GABRA5: variants seen among roughly 807,000 people sequenced by gnomAD.
GABRA5 encodes the protein gamma-aminobutyric acid type A receptor subunit alpha5.
A neutral mutation model predicts 47.3 loss-of-function variants in GABRA5; 18 were observed. That is an observed-to-expected ratio of 0.38 (90% CI 0.26 to 0.56). The LOEUF (loss-of-function observed/expected upper bound fraction) is 0.56, where lower values mean the gene tolerates loss of function less well. Among genes scored for constraint, GABRA5 ranks in the 20% least tolerant of loss-of-function variants. The pLI, the probability that GABRA5 is intolerant of heterozygous loss-of-function variation, is 0.71. For synonymous variants in GABRA5, 237 were observed against 229.3 expected (o/e 1.03, Z -0.30); for missense variants, 365 against 599.3 (o/e 0.61, Z 4.08).
intron 8 of GABRA5, 45 bp downstream of exon 8, chr15:26,937,373 C>T (rs761530483): frequency 4.5e-5 from 70 of 1,552,674 alleles, no homozygotes; most frequent in Non-Finnish European, 5.7e-5. Context: ...ACTCAGGACA[C>T]CACACCCTTG....
intron 6 of GABRA5, among the ~76,000 whole-genome samples, chr15:26,899,055 G>T (rs144567041): frequency 0.02 from 3,064 of 152,132 alleles, 103 homozygotes; most frequent in African/African-American, 0.07. Flanking sequence ...TAGAGACAGG[G>T]TCTTGCTATA....
rs746686415 is a variant in GABRA5, at chr15:26,883,570, CG to C, written c.497+18del. On this transcript the variant is annotated intron_variant, in intron 6 of 10. Coordinates refer to ENST00000335625, the MANE Select transcript of GABRA5 (RefSeq NM_000810.4). The surrounding 1 kb of genome is among the most constrained non-coding windows in gnomAD (Gnocchi z 4.8). ...TCTACACCATGCGGTGAGCGCCGGG[CG>C]GGGGCGGGCGGGGCCGGGGGACGGT... 1 of 503,526 alleles carries C rather than the reference CG, an allele frequency of 2.0e-6. No homozygotes were observed. Among genetic ancestry groups the C allele is most frequent in the South Asian group, 1.7e-5 (1 of 60,424 alleles). The allele number at this position is 503,526 out of a possible 1,614,324, so 31.2% of individuals were successfully genotyped here. A position where few individuals can be genotyped will look rare whatever the true frequency, so the allele number is the denominator to read the frequency against.
intron 7 of GABRA5, among the ~76,000 whole-genome samples, chr15:26,923,067 C>G (rs1277081112): frequency 6.6e-6 from 1 of 152,186 alleles, no homozygotes; most frequent in Non-Finnish European, 1.5e-5. Context: ...AATATTTCCT[C>G]TACATACATC....
At chr15:26,895,826 A>AAAAAAAAGAAGAAG (rs1458730535) in intron 6 of GABRA5, among the ~76,000 whole-genome samples, 4 of 136,014 alleles carry the variant, frequency 2.9e-5, no homozygotes, top group Admixed American at 1.5e-4. Context: ...AAAAAAAAAA[A>AAAAAAAAGAAGAAG]AAGAAGAAGA....
intron 6 of GABRA5, among the ~76,000 whole-genome samples, chr15:26,901,153 T>C (rs1893317781): frequency 6.6e-6 from 1 of 152,124 alleles, no homozygotes; most frequent in Non-Finnish European, 1.5e-5. Flanking sequence ...TAGGCATAAG[T>C]TTTCCATTTC....
chr15:26,883,704 A>G lies in GABRA5; in HGVS notation c.497+147A>G, dbSNP rs769194173. On this transcript the variant is annotated intron_variant, in intron 6 of 10. Transcript: ENST00000335625. This position sits in a 1 kb window ranked among gnomAD's most constrained non-coding sequence, Gnocchi z 4.8. ...TGTGTGCTGGGGGTTCCCCGTTGCC[A>G]TCTGCCCACACCAGCGCTCTTGGAC... 9 of 651,276 alleles carry G rather than the reference A, an allele frequency of 1.4e-5. No individual in the cohort carries two copies. The highest frequency in any genetic ancestry group is 2.3e-5 in the Non-Finnish European group (9 of 398,900). The allele number at this position is 651,276 out of a possible 1,614,324, so 40.3% of individuals were successfully genotyped here.
rs1410523661 is a variant in GABRA5 at position 26,890,154 on chromosome 15, C to T, written c.497+6597C>T. Among the ~76,000 whole-genome samples, 4 of 152,034 alleles carry T rather than the reference C, an allele frequency of 2.6e-5. No homozygotes were observed. In the East Asian group the frequency reaches 7.7e-4, roughly 29 times the overall value. Reference sequence around the variant, plus strand: ...CTGTGATAACATTCTGGTCCAAGCACCTACGTATATCCTTTGAACAAATCC... The same window carrying T: ...CTGTGATAACATTCTGGTCCAAGCATCTACGTATATCCTTTGAACAAATCC... On this transcript the variant is annotated intron_variant, in intron 6 of 10. Transcript: ENST00000335625.
intron 6 of GABRA5, among the ~76,000 whole-genome samples, chr15:26,892,481 G>T (rs539448095): frequency 6.6e-6 from 1 of 152,196 alleles, no homozygotes; most frequent in African/African-American, 2.4e-5. Flanking sequence ...GCGAGTCCGC[G>T]GACACAGGGA....
Position 26,937,187 on chromosome 15 carries a change from G to T in GABRA5, c.583G>T (p.Ala195Ser), listed in dbSNP as rs1894263279. The change falls in exon 8 of 11, where the codon GCG becomes TCG. Residue 195 changes from alanine (A) to serine (S), a missense_variant and splice_region_variant. Physicochemically the swap from Ala to Ser is moderately conservative, Grantham distance 99 (BLOSUM62 1). Around this residue, in one of 3 missense-constraint regions of GABRA5, gnomAD observed 216 missense variants for 335.3 expected, o/e 0.64. Transcript: ENST00000335625. ...HACPLKFGSY[A>S]YPNSEVVYVW... ...CTTTCTGCCCCCTCCTCATACAGAT[G>T]CGTACCCTAATTCTGAAGTCGTTTA... The T allele has an allele frequency of 6.2e-7, 1 of 1,613,834 alleles. No homozygotes were observed. The highest frequency in any genetic ancestry group is 8.5e-7 in the Non-Finnish European group (1 of 1,179,866).
intron 6 of GABRA5, among the ~76,000 whole-genome samples, chr15:26,896,087 C>G (rs1236113834): frequency 6.6e-6 from 1 of 152,182 alleles, no homozygotes; most frequent in African/African-American, 2.4e-5. Context: ...TGCTGGGCAA[C>G]CGCTGACCGC....
intron 3 of GABRA5, among the ~76,000 whole-genome samples, chr15:26,878,014 C>T (rs894672530): frequency 2.0e-5 from 3 of 152,214 alleles, no homozygotes; most frequent in Non-Finnish European, 4.4e-5. Flanking sequence ...GTACTCAGTG[C>T]AGTTGAGAAA....
At position 26,939,620 on chromosome 15, in the gene GABRA5, G is replaced by A. The variant is rs184588709; in HGVS notation, c.725-305G>A. 324 of 600,796 alleles carry A rather than the reference G, an allele frequency of 5.4e-4. 2 individuals are homozygous for A. In the African/African-American group the frequency reaches 5.5e-3, roughly 10 times the overall value. 37.2% of individuals were successfully genotyped at this position (600,796 alleles called of 1,614,324 possible). On this transcript the variant is annotated intron_variant, in intron 8 of 10. Coordinates refer to ENST00000335625, the MANE Select transcript of GABRA5 (RefSeq NM_000810.4). ...TGAAATCCTAATTGCAGAAGCAGGCGAGGGAGTGGGGGGAGAGAGGCACAG... is the reference window on the plus strand; with the variant it reads ...TGAAATCCTAATTGCAGAAGCAGGCAAGGGAGTGGGGGGAGAGAGGCACAG...
chr15:26,948,042 A>C lies in GABRA5; in HGVS notation c.1198A>C (p.Thr400Pro). Reference sequence around the variant, plus strand: ...ACAGACCCCAGCAGGGACGTCGAATACAACCTCAGTCTCAGTAAAACCCTC... The same window carrying C: ...ACAGACCCCAGCAGGGACGTCGAATCCAACCTCAGTCTCAGTAAAACCCTC... ...KEQTPAGTSN[T>P]TSVSVKPSEE... The change falls in exon 11 of 11, where the codon ACA (threonine) becomes CCA (proline). Residue 400 changes from threonine to proline, a missense_variant. Thr to Pro is a conservative substitution (Grantham distance 38, BLOSUM62 -1). This residue lies in a region of GABRA5 where 106 missense variants were observed against 130.3 expected (regional missense o/e 0.81). Coordinates refer to ENST00000335625, the MANE Select transcript of GABRA5 (RefSeq NM_000810.4). 1 of 1,607,822 alleles carries C rather than the reference A, an allele frequency of 6.2e-7. No individual in the cohort carries two copies. Among genetic ancestry groups the C allele is most frequent in the Non-Finnish European group, 8.5e-7 (1 of 1,176,850 alleles).
chr15:26,924,842 G>C (rs549928070), intron 7 of GABRA5, among the ~76,000 whole-genome samples: 1 of 152,228 alleles, frequency 6.6e-6, no homozygotes, highest in South Asian at 2.1e-4. Flanking sequence ...GTGCCCGTTG[G>C]TGTTTCCAAG....
intron 6 of GABRA5, among the ~76,000 whole-genome samples, chr15:26,905,363 A>G (rs1311150901): frequency 6.6e-6 from 1 of 151,268 alleles, no homozygotes; most frequent in Non-Finnish European, 1.5e-5. Flanking sequence ...TCACCTGTTT[A>G]TGTTACTTAG....
intron 10 of GABRA5, among the ~76,000 whole-genome samples, chr15:26,946,720 T>C (rs1894520706): frequency 6.6e-6 from 1 of 151,788 alleles, no homozygotes; most frequent in African/African-American, 2.4e-5. Flanking sequence ...TGACCCCACC[T>C]CTCCAAACAT....
chr15:26,890,585 C>T (rs1373949485), intron 6 of GABRA5, among the ~76,000 whole-genome samples: 1 of 152,084 alleles, frequency 6.6e-6, no homozygotes, highest in African/African-American at 2.4e-5. Context: ...CCTGTAGGCA[C>T]GCAGCCACAC....
chr15:26,885,001 A>G (rs993887229), intron 6 of GABRA5, among the ~76,000 whole-genome samples: 3 of 152,168 alleles, frequency 2.0e-5, no homozygotes, highest in African/African-American at 7.2e-5. Flanking sequence ...CTTGTAAAGA[A>G]TGTAGTGACT....
chr15:26,943,426 G>C lies in GABRA5; in HGVS notation c.1089G>C (p.Lys363Asn), dbSNP rs2140596800. ...GKKALEAAKI[K>N]KKREVILNKS... ...AAGCCTTGGAAGCAGCCAAGATCAA[G>C]GTACTGACTATTTCTCCTCCTTTCT... Residue 363 changes from lysine (K) to asparagine (N), a missense_variant and splice_region_variant, in exon 10 of 11, where the codon AAG (lysine) becomes AAC (asparagine). This residue lies in a region of GABRA5 where 106 missense variants were observed against 130.3 expected (regional missense o/e 0.81). Coordinates refer to ENST00000335625, the MANE Select transcript of GABRA5 (RefSeq NM_000810.4). The C allele has an allele frequency of 6.3e-7, 1 of 1,581,782 alleles. No homozygotes were observed. Among genetic ancestry groups the C allele is most frequent in the Non-Finnish European group, 8.6e-7 (1 of 1,163,430 alleles).
Sources: allele counts gnomAD v4.1 joint callset (sites outside exome capture counted in the v4.1 genomes callset), GRCh38; gene constraint gnomAD v4.1.1; regional missense constraint gnomAD v4.1.1; non-coding constraint Gnocchi (gnomAD v3.1); transcripts MANE v1.5; gene names NCBI Gene and HGNC (gene_info 2026-07-23, HGNC 2026-07-21).